The following ZNF503 variants were observed in gnomAD, a reference collection of about 807,000 sequenced individuals.
ZNF503 encodes zinc finger protein 503.
ZNF503 carries 15 observed loss-of-function variants against 34.4 expected under a neutral mutation model. The observed-to-expected ratio is 0.44, with a 90% confidence interval of 0.29 to 0.67. The LOEUF is 0.67. ZNF503 is among the 30% of genes least tolerant of loss of function. The probability of loss-of-function intolerance (pLI) is 0.13; values close to 1 mark genes in which losing one functional copy is unlikely to be tolerated. For synonymous variants in ZNF503, 580 were observed against 456.8 expected (o/e 1.27, Z -3.44); for missense variants, 1,007 against 926.8 (o/e 1.09, Z -1.12).
chr10:75,339,262 C>T, the ZNF503 span, among the ~76,000 whole-genome samples: 1 of 152,158 alleles, frequency 6.6e-6, no homozygotes, highest in Non-Finnish European at 1.5e-5. Context: ...GAAATATCTC[C>T]TCCCTCTAAA....
At chr10:75,364,375 AT>A in the ZNF503 span, among the ~76,000 whole-genome samples, 9 of 151,090 alleles carry the variant, frequency 6.0e-5, no homozygotes, top group East Asian at 1.6e-3. Context: ...CCTACTTTCT[AT>A]TTTTTTTTCC....
At chr10:75,310,620 A>C in the ZNF503 span, among the ~76,000 whole-genome samples, 1 of 152,256 alleles carries the variant, frequency 6.6e-6, no homozygotes, top group Non-Finnish European at 1.5e-5. Context: ...ATGATATCAG[A>C]AAATGCTAAG....
chr10:75,289,466 G>A, the ZNF503 span, among the ~76,000 whole-genome samples: 1 of 152,190 alleles, frequency 6.6e-6, no homozygotes, highest in Non-Finnish European at 1.5e-5. Context: ...TTGTCTCTGA[G>A]ACTTCATCAG....
chr10:75,343,991 G>A, the ZNF503 span, among the ~76,000 whole-genome samples: 11 of 152,356 alleles, frequency 7.2e-5, no homozygotes, highest in African/African-American at 2.6e-4. Context: ...TGATTGTGGA[G>A]GGGAAAGGAA....
chr10:75,372,999 G>C, the ZNF503 span, among the ~76,000 whole-genome samples: 1 of 152,206 alleles, frequency 6.6e-6, no homozygotes, highest in South Asian at 2.1e-4. Flanking sequence ...AGGAAGGAAA[G>C]AAGGAAGGGA....
At chr10:75,289,344 C>G in the ZNF503 span, among the ~76,000 whole-genome samples, 2 of 152,142 alleles carry the variant, frequency 1.3e-5, no homozygotes, top group African/African-American at 4.8e-5. Flanking sequence ...CATGTCCTGA[C>G]CATCTTGCCC....
the ZNF503 span, chr10:75,360,961 AC>A: frequency 1.3e-5 from 2 of 152,194 alleles, no homozygotes; most frequent in Admixed American, 6.5e-5. Context: ...GTGTGGGGAG[AC>A]CTCTCCTGGG....
chr10:75,361,970 T>C, the ZNF503 span, among the ~76,000 whole-genome samples: 1 of 152,296 alleles, frequency 6.6e-6, no homozygotes, highest in East Asian at 1.9e-4. Context: ...AAAGCTGTTT[T>C]TGGGGAGGCA....
the ZNF503 span, among the ~76,000 whole-genome samples, chr10:75,294,979 T>C: frequency 6.6e-6 from 1 of 152,182 alleles, no homozygotes; most frequent in Non-Finnish European, 1.5e-5. Context: ...CCAGCTGAAC[T>C]GGCAGAGCAC....
At chr10:75,301,516 C>T in the ZNF503 span, among the ~76,000 whole-genome samples, 9 of 152,224 alleles carry the variant, frequency 5.9e-5, no homozygotes, top group Non-Finnish European at 1.2e-4. Flanking sequence ...GCTGGGGTTA[C>T]AGGCGTGAGC....
the ZNF503 span, among the ~76,000 whole-genome samples, chr10:75,306,785 G>A: frequency 2.6e-5 from 4 of 151,876 alleles, no homozygotes; most frequent in Admixed American, 2.0e-4. Flanking sequence ...ATCTGTTATG[G>A]CGATCTGTGA....
rs760383854 is a variant in ZNF503 at position 75,399,323 on chromosome 10, G to C, written c.1367C>G (p.Ala456Gly). 45 of 1,603,984 alleles carry C rather than the reference G, an allele frequency of 2.8e-5. No homozygotes were observed. The highest frequency in any genetic ancestry group is 3.7e-5 in the Non-Finnish European group (44 of 1,177,018). The part of the protein sequence containing the change: ...AASASCAHDP[A>G]AAAAALKSGY... ...GGACTTCAGCGCCGCAGCCGCAGCA[G>C]CCGGATCATGTGCGCAAGAAGCGCT... The change falls in exon 2 of 2, where the codon GCT (alanine) becomes GGT (glycine). Residue 456 changes from alanine (A) to glycine (G), a missense_variant. Coordinates refer to ENST00000372524, the MANE Select transcript of ZNF503 (RefSeq NM_032772.6).
chr10:75,336,936 ACT>A, the ZNF503 span, among the ~76,000 whole-genome samples: 2 of 151,518 alleles, frequency 1.3e-5, no homozygotes, highest in African/African-American at 2.4e-5. Context: ...GCTGGAGAAA[ACT>A]CTCTGCTTTT....
At chr10:75,392,379 T>G in the ZNF503 span, among the ~76,000 whole-genome samples, 1 of 152,210 alleles carries the variant, frequency 6.6e-6, no homozygotes, top group African/African-American at 2.4e-5. Flanking sequence ...GTGACCTTTA[T>G]ATCTTTACCC....
the ZNF503 span, among the ~76,000 whole-genome samples, chr10:75,349,497 T>A: frequency 1.3e-5 from 2 of 152,228 alleles, no homozygotes; most frequent in African/African-American, 4.8e-5. Flanking sequence ...GGCTGCAACT[T>A]ATTGAGTGTC....
chr10:75,282,014 G>A, the ZNF503 span, among the ~76,000 whole-genome samples: 57 of 152,360 alleles, frequency 3.7e-4, no homozygotes, highest in African/African-American at 1.3e-3. Flanking sequence ...ATAGCTGGGT[G>A]TGGCAGACAC....
At chr10:75,393,835 G>T (rs529057361), downstream of ZNF503, among the ~76,000 whole-genome samples, 1 of 151,874 alleles carries the variant, frequency 6.6e-6, no homozygotes, top group Admixed American at 6.6e-5. Flanking sequence ...CTCCAGCCTG[G>T]GTGACAGAGC....
the ZNF503 span, among the ~76,000 whole-genome samples, chr10:75,327,737 T>C: frequency 1.3e-5 from 2 of 152,172 alleles, no homozygotes; most frequent in Non-Finnish European, 2.9e-5. Flanking sequence ...TAGTTCCTTT[T>C]CTCTGCATCT....
the ZNF503 span, among the ~76,000 whole-genome samples, chr10:75,352,443 T>C: frequency 6.7e-6 from 1 of 150,256 alleles, no homozygotes; most frequent in Non-Finnish European, 1.5e-5. Flanking sequence ...TGAGGGAGAC[T>C]TGATTTGATA....
Sources: gnomAD v4.1 joint callset for allele counts (sites outside exome capture counted in the v4.1 genomes callset) on GRCh38, gnomAD v4.1.1 for gene constraint, MANE v1.5 for transcripts, NCBI Gene and HGNC (gene_info 2026-07-23, HGNC 2026-07-21) for gene names.